The following SCLT1 variants were observed in gnomAD, a reference collection of about 807,000 sequenced individuals.
SCLT1 encodes the protein sodium channel-associated protein 1.
Under a neutral mutation model 112.8 loss-of-function variants are expected in SCLT1, and 78 were observed. That is an observed-to-expected ratio of 0.69 (90% CI 0.58 to 0.83). SCLT1 has a LOEUF of 0.83. Ranked by LOEUF, SCLT1 falls within the 40% of genes least tolerant of loss-of-function variation. The probability of loss-of-function intolerance (pLI) is 0.00; values close to 1 mark genes in which losing one functional copy is unlikely to be tolerated. For missense variants in SCLT1, 747 were observed against 770.4 expected (o/e 0.97, Z 0.36); for synonymous variants, 257 against 254.7 (o/e 1.01, Z -0.09).
intron 2 of SCLT1, among the ~76,000 whole-genome samples, chr4:129,044,733 ATGAAGTTCCAATAGAAT>A (rs950056383): frequency 2.0e-5 from 3 of 151,674 alleles, no homozygotes; most frequent in African/African-American, 7.2e-5. Context: ...GCACTCAAAA[ATGAAGTTCCAATAGAAT>A]TATTTATAAA....
intron 18 of SCLT1, among the ~76,000 whole-genome samples, chr4:128,923,326 T>A (rs563193359): frequency 1.3e-5 from 2 of 151,554 alleles, no homozygotes; most frequent in Non-Finnish European, 2.9e-5. Context: ...CATGCCTGTA[T>A]CCCAGCTACT....
intron 2 of SCLT1, among the ~76,000 whole-genome samples, chr4:129,045,244 C>T (rs548077182): frequency 6.6e-6 from 1 of 152,166 alleles, no homozygotes; most frequent in African/African-American, 2.4e-5. Flanking sequence ...TCCCAAGCAG[C>T]GCCTGCCATA....
At chr4:129,007,224 G>A (rs781614076) in intron 5 of SCLT1, among the ~76,000 whole-genome samples, 9 of 151,952 alleles carry the variant, frequency 5.9e-5, no homozygotes, top group Non-Finnish European at 1.3e-4. Context: ...AAGGTCTTCG[G>A]TATTAGTATT....
At chr4:129,045,597 T>C (rs1244821456) in intron 2 of SCLT1, among the ~76,000 whole-genome samples, 1 of 151,886 alleles carries the variant, frequency 6.6e-6, no homozygotes, top group African/African-American at 2.4e-5. Flanking sequence ...TATCAAAATA[T>C]ATATATCATA....
chr4:128,919,799 T>A (rs1408458795), intron 18 of SCLT1, among the ~76,000 whole-genome samples: 1 of 150,882 alleles, frequency 6.6e-6, no homozygotes, highest in African/African-American at 2.4e-5. Flanking sequence ...CCAGAAAACC[T>A]AGAAATGGAT....
In SCLT1 at chr4:128,978,882, G is replaced by A. The variant is rs1302397782; in HGVS notation, c.687-8414C>T. On this transcript the variant is annotated intron_variant, in intron 9 of 20. Transcript: ENST00000281142. ...GATTGTACAGTTGGCAAGAAATGGG[G>A]GTACAATATAATAGAAAGAGGAGAA... Among the ~76,000 whole-genome samples the A allele has an allele frequency of 4.6e-5, 7 of 151,994 alleles. No individual in the cohort carries two copies. The East Asian group carries it at 1.4e-3, about 29-fold the overall frequency.
intron 2 of SCLT1, among the ~76,000 whole-genome samples, chr4:129,065,180 G>A (rs1750368898): frequency 6.6e-6 from 1 of 151,594 alleles, no homozygotes; most frequent in Non-Finnish European, 1.5e-5. Flanking sequence ...AATTTACCAC[G>A]GATTTAACTC....
chr4:128,883,472 G>A, downstream of SCLT1, among the ~76,000 whole-genome samples: 1 of 152,012 alleles, frequency 6.6e-6, no homozygotes, highest in Non-Finnish European at 1.5e-5. Context: ...GGGTTGATGG[G>A]TGCAGCAAAC....
At chr4:128,967,120 G>A (rs942980858) in intron 10 of SCLT1, among the ~76,000 whole-genome samples, 12 of 152,052 alleles carry the variant, frequency 7.9e-5, no homozygotes, top group East Asian at 3.9e-4. Flanking sequence ...TTGGTTTTCC[G>A]TTCCTGAGTT....
intron 4 of SCLT1, among the ~76,000 whole-genome samples, chr4:129,041,610 A>G (rs1747700816): frequency 6.6e-6 from 1 of 152,292 alleles, no homozygotes; most frequent in Admixed American, 6.5e-5. Flanking sequence ...TATGTGCTAC[A>G]CTTGAAAGTA....
rs115372455 is a variant in SCLT1 at position 128,923,721 on chromosome 4, T to C, written c.1829+12934A>G. 6.1e-3 allele frequency among the ~76,000 whole-genome samples: 928 copies of C among 152,246 alleles called. 24 individuals carry two copies. Among genetic ancestry groups the C allele is most frequent in the African/African-American group, 0.021 (885 of 41,508 alleles). On this transcript the variant is annotated intron_variant, in intron 18 of 20. Coordinates refer to ENST00000281142, the MANE Select transcript of SCLT1 (RefSeq NM_144643.4). Reference sequence around the variant, plus strand: ...TTGTTCCTTTTTATTTCTGAGTGTTTATCCATGCACCTGGTGATGTACATT... The same window carrying C: ...TTGTTCCTTTTTATTTCTGAGTGTTCATCCATGCACCTGGTGATGTACATT...
intron 18 of SCLT1, among the ~76,000 whole-genome samples, chr4:128,932,924 C>T (rs779458841): frequency 6.6e-6 from 1 of 151,902 alleles, no homozygotes; most frequent in African/African-American, 2.4e-5. Context: ...TGAAAACTAC[C>T]AAAAACTGAT....
intron 18 of SCLT1, among the ~76,000 whole-genome samples, chr4:128,912,585 C>CAT (rs200623127): frequency 0.011 from 1,665 of 152,116 alleles, 22 homozygotes; most frequent in African/African-American, 0.037. Flanking sequence ...GGATACAATT[C>CAT]ATATATATAA....
intron 18 of SCLT1, among the ~76,000 whole-genome samples, chr4:128,899,073 A>G (rs1167701242): frequency 6.6e-5 from 10 of 152,212 alleles, no homozygotes; most frequent in Non-Finnish European, 1.2e-4. Flanking sequence ...AGATGGATTC[A>G]CAGCCGAATT....
chr4:129,011,061 T>C (rs558137854), intron 5 of SCLT1, among the ~76,000 whole-genome samples: 12 of 152,356 alleles, frequency 7.9e-5, no homozygotes, highest in African/African-American at 2.6e-4. Context: ...GAGTTTTTCA[T>C]AGATGACTCT....
At chr4:129,085,116 G>T (rs910514613) in intron 1 of SCLT1, among the ~76,000 whole-genome samples, 2 of 152,120 alleles carry the variant, frequency 1.3e-5, no homozygotes, top group African/African-American at 4.8e-5. Context: ...TCTGCAAACT[G>T]TGTATCTGAC....
rs118036182 is a variant in SCLT1, at chr4:128,995,750, C to A, written c.615+2124G>T. Among the ~76,000 whole-genome samples, 117 of 152,172 alleles carry A rather than the reference C, an allele frequency of 7.7e-4. 2 individuals carry two copies. The East Asian group carries it at 0.021, about 27-fold the overall frequency. The stretch of plus-strand genomic sequence containing the variant: ...CCCAATCTGCTGTCTCTGTTCTTCC[C>A]TAGGTGTCTAGACCATGCTGGACCT... On this transcript the variant is annotated intron_variant, in intron 8 of 20. Coordinates refer to ENST00000281142, the MANE Select transcript of SCLT1 (RefSeq NM_144643.4).
intron 2 of SCLT1, among the ~76,000 whole-genome samples, chr4:129,048,278 G>C (rs573834912): frequency 6.6e-6 from 1 of 152,122 alleles, no homozygotes; most frequent in South Asian, 2.1e-4. Context: ...TACCAAAACA[G>C]AGATATAGAT....
chr4:128,960,193 C>A (rs1739563827), intron 11 of SCLT1, among the ~76,000 whole-genome samples: 1 of 152,064 alleles, frequency 6.6e-6, no homozygotes, highest in Admixed American at 6.5e-5. Flanking sequence ...ATACTCTCTA[C>A]CCAGACAAGC....
Sources: allele counts gnomAD v4.1 joint callset (sites outside exome capture counted in the v4.1 genomes callset), GRCh38; gene constraint gnomAD v4.1.1; transcripts MANE v1.5; gene names NCBI Gene and HGNC (gene_info 2026-07-23, HGNC 2026-07-21).